Variants in BPTF observed in about 807,000 individuals in gnomAD.
BPTF encodes the protein nucleosome-remodeling factor subunit BPTF.
Under a neutral mutation model 292.5 loss-of-function variants are expected in BPTF, and 18 were observed. That is an observed-to-expected ratio of 0.06 (90% confidence interval 0.04 to 0.09). BPTF has a LOEUF of 0.09. Ranked by LOEUF, BPTF falls within the 10% of genes least tolerant of loss-of-function variation. BPTF has a pLI of 1.00. For synonymous variants in BPTF, 1,225 were observed against 1,251.9 expected (o/e 0.98, Z 0.45); for missense variants, 2,726 against 3,498.7 (o/e 0.78, Z 5.57).
intron 27 of BPTF, 58 bp from the exon 28 acceptor site, chr17:67,982,194 A>G (rs1297280133): frequency 4.7e-6 from 7 of 1,483,198 alleles, no homozygotes; most frequent in Non-Finnish European, 6.6e-6. Flanking sequence ...CGCATAAAGC[A>G]TCATTGTTTT....
In BPTF at chr17:67,874,722, A is replaced by C. The variant is rs189606582; in HGVS notation, c.1661-95A>C. The C allele has an allele frequency of 1.5e-3, 1,168 of 777,124 alleles. 22 individuals carry two copies. The highest frequency in any genetic ancestry group is 0.014 in the South Asian group (748 of 55,324). 48.1% of individuals were successfully genotyped at this position (777,124 alleles called of 1,614,324 possible). A position where few individuals can be genotyped will look rare whatever the true frequency, so the allele number is the denominator to read the frequency against. On this transcript the variant is annotated intron_variant, in intron 3 of 27. Coordinates refer to ENST00000306378, the MANE Select transcript of BPTF (RefSeq NM_182641.4). ...TAAAAATACTTAATTTTTCCTCTTT[A>C]ATAGCTTGTATTGAAACTCGTAAGT...
chr17:67,976,714 A>AAG lies in BPTF; in HGVS notation c.8726+757_8726+758insGA, dbSNP rs1555694156. ...AAAAAAAAAAAAAAAAAAAAAAAAA[A>AAG]ATAAGAATAAAAGAAGAATTTCCTG... On this transcript the variant is annotated intron_variant, in intron 27 of 27. Transcript: ENST00000306378. Among the ~76,000 whole-genome samples, 451 of 116,414 alleles carry AAG rather than the reference A, an allele frequency of 3.9e-3. 15 individuals are homozygous for AAG. The highest frequency in any genetic ancestry group is 7.1e-3 in the African/African-American group (201 of 28,116). 76.4% of individuals were successfully genotyped at this position (116,414 alleles called of 152,430 possible).
intron 23 of BPTF, among the ~76,000 whole-genome samples, chr17:67,949,658 CAGACATATATATATATACACACAG>C (rs1555677318): frequency 5.2e-5 from 4 of 76,832 alleles, no homozygotes; most frequent in East Asian, 4.7e-4. Context: ...TATATACACA[CAGACATATATATATATACACACAG>C]ACATACATAT....
At chr17:67,954,033 C>T (rs1197629643) in intron 23 of BPTF, among the ~76,000 whole-genome samples, 2 of 123,386 alleles carry the variant, frequency 1.6e-5, no homozygotes, top group South Asian at 2.5e-4. Flanking sequence ...GTTGCCCAGG[C>T]GGGAGTGCAG....
chr17:67,831,140 G>C (rs2056631288), intron 1 of BPTF, among the ~76,000 whole-genome samples: 1 of 152,176 alleles, frequency 6.6e-6, no homozygotes, highest in African/African-American at 2.4e-5. Flanking sequence ...AGGATGGATT[G>C]ACAAGGACGA....
chr17:67,826,576 T>G (rs1039962525), intron 1 of BPTF, among the ~76,000 whole-genome samples: 2 of 78,030 alleles, frequency 2.6e-5, no homozygotes, highest in Non-Finnish European at 6.4e-5. Flanking sequence ...TCGCTCGCTC[T>G]CTCTCCCCCC....
At chr17:67,850,969 AT>A (rs1415840367) in intron 1 of BPTF, among the ~76,000 whole-genome samples, 1 of 152,224 alleles carries the variant, frequency 6.6e-6, no homozygotes, top group Non-Finnish European at 1.5e-5. Flanking sequence ...AACAAATGAT[AT>A]AATAAGCAAA....
chr17:67,955,723 A>G (rs188867751), intron 23 of BPTF: 1 of 152,086 alleles, frequency 6.6e-6, no homozygotes. Flanking sequence ...GCTACTTGGG[A>G]GGCTGAGGGA....
chr17:67,865,098 G>T (rs943257590), intron 2 of BPTF, among the ~76,000 whole-genome samples: 1 of 152,120 alleles, frequency 6.6e-6, no homozygotes, highest in African/African-American at 2.4e-5. Context: ...GAGCCACTGT[G>T]CCCAGCCAGT....
chr17:67,929,614 T>C, intron 17 of BPTF, 127 bp downstream of exon 17: 2 of 1,115,938 alleles, frequency 1.8e-6, no homozygotes, highest in East Asian at 5.2e-5. Context: ...GACAGAGTAC[T>C]GATTTGGAAA....
intron 1 of BPTF, among the ~76,000 whole-genome samples, chr17:67,840,252 G>A (rs1013766197): frequency 4.6e-5 from 7 of 151,722 alleles, no homozygotes; most frequent in African/African-American, 9.7e-5. Flanking sequence ...TTTCAAGTGC[G>A]CACCTCCACA....
intron 2 of BPTF, among the ~76,000 whole-genome samples, chr17:67,855,862 C>T (rs915768283): frequency 1.3e-5 from 2 of 152,182 alleles, no homozygotes; most frequent in Non-Finnish European, 2.9e-5. Flanking sequence ...TATCAGTGTG[C>T]TGTCGAGAGG....
intron 27 of BPTF, among the ~76,000 whole-genome samples, chr17:67,976,685 CAAAAAAAAAA>C (rs1156404121): frequency 0.021 from 527 of 24,838 alleles, 7 homozygotes; most frequent in African/African-American, 0.051. Context: ...GACCCTGTCT[CAAAAAAAAAA>C]AAAAAAAAAA....
chr17:67,962,844 C>T (rs1555684790), intron 24 of BPTF, among the ~76,000 whole-genome samples: 1 of 152,116 alleles, frequency 6.6e-6, no homozygotes, highest in African/African-American at 2.4e-5. Flanking sequence ...TGTAGTGTAA[C>T]TTCTACTTGG....
chr17:67,875,146 C>A, intron 4 of BPTF, 126 bp downstream of exon 4: 3 of 780,418 alleles, frequency 3.8e-6, no homozygotes, highest in Non-Finnish European at 6.2e-6. Flanking sequence ...CTAAAGAGAT[C>A]AGGATACCGT....
chr17:67,900,688 C>T (rs565659237), intron 7 of BPTF, among the ~76,000 whole-genome samples: 7 of 152,114 alleles, frequency 4.6e-5, no homozygotes, highest in African/African-American at 1.4e-4. Context: ...TTGACCAAAA[C>T]GATACTAATA....
At chr17:67,918,576 T>TA (rs1180582590) in intron 11 of BPTF, 138 bp from the exon 12 acceptor site, 18 of 720,666 alleles carry the variant, frequency 2.5e-5, no homozygotes, top group Non-Finnish European at 3.7e-5. Flanking sequence ...ACCAAAGTCT[T>TA]ACAAAACCAT....
intron 9 of BPTF, among the ~76,000 whole-genome samples, chr17:67,905,280 C>T (rs745923990): frequency 1.4e-4 from 22 of 151,964 alleles, no homozygotes; most frequent in African/African-American, 4.4e-4. Flanking sequence ...TGCTGGTACA[C>T]GCCTGTGATC....
intron 1 of BPTF, among the ~76,000 whole-genome samples, chr17:67,835,656 C>T (rs1449993799): frequency 4.1e-5 from 6 of 144,796 alleles, no homozygotes; most frequent in Non-Finnish European, 7.6e-5. Context: ...CTGCCACAGT[C>T]CTGGTAATTT....
Sources: gnomAD v4.1 joint callset for allele counts (sites outside exome capture counted in the v4.1 genomes callset) on GRCh38, gnomAD v4.1.1 for gene constraint, MANE v1.5 for transcripts, NCBI Gene and HGNC (gene_info 2026-07-23, HGNC 2026-07-21) for gene names.